CSMD1: variants seen among roughly 807,000 people sequenced by gnomAD.
The protein encoded by CSMD1 is CUB and sushi domain-containing protein 1.
A neutral mutation model predicts 417.5 loss-of-function variants in CSMD1; 213 were observed. The observed-to-expected ratio is 0.51, with a 90% CI of 0.46 to 0.57. The LOEUF is 0.57. Ranked by LOEUF, CSMD1 falls within the 20% of genes least tolerant of loss-of-function variation. The pLI, the probability that CSMD1 is intolerant of heterozygous loss-of-function variation, is 0.00. For missense variants in CSMD1, 6,923 were observed against 4,529.7 expected, an observed-to-expected ratio of 1.53 and a Z score of -15.17; for synonymous variants, 2,862 against 1,736.8, an observed-to-expected ratio of 1.65 and a Z score of -16.11.
chr8:3,651,985 C>G (rs1408316731), intron 7 of CSMD1, among the ~76,000 whole-genome samples: 1 of 151,260 alleles, frequency 6.6e-6, no homozygotes, highest in Non-Finnish European at 1.5e-5. Context: ...CGCCTACCAA[C>G]ATCATTACAC....
chr8:3,670,789 CATGTATATGGGATATAT>C (rs1221109777), intron 7 of CSMD1, among the ~76,000 whole-genome samples: 12 of 146,912 alleles, frequency 8.2e-5, no homozygotes, highest in East Asian at 4.1e-4. Flanking sequence ...ACGGGATATA[CATGTATATGGGATATAT>C]ATGTATATGG....
intron 3 of CSMD1, among the ~76,000 whole-genome samples, chr8:4,349,222 C>G (rs1302680330): frequency 6.6e-6 from 1 of 152,150 alleles, no homozygotes; most frequent in Non-Finnish European, 1.5e-5. Context: ...ATAAGAAGGG[C>G]TTGTTTGCTA....
At chr8:3,668,338 G>A (rs535190035) in intron 7 of CSMD1, among the ~76,000 whole-genome samples, 4 of 152,254 alleles carry the variant, frequency 2.6e-5, no homozygotes, top group East Asian at 1.9e-4. Context: ...TCCCACACAG[G>A]CCCTGGGCTG....
At chr8:3,950,810 G>T (rs900136387) in intron 5 of CSMD1, among the ~76,000 whole-genome samples, 3 of 151,880 alleles carry the variant, frequency 2.0e-5, no homozygotes, top group Admixed American at 6.6e-5. Context: ...GGTCATAATA[G>T]GTTTAGTATA....
chr8:4,926,569 G>T (rs1356523114), intron 1 of CSMD1, among the ~76,000 whole-genome samples: 1 of 152,002 alleles, frequency 6.6e-6, no homozygotes, highest in Non-Finnish European at 1.5e-5. Flanking sequence ...ATATAGCCTT[G>T]GGGAAAAACC....
At chr8:3,954,834 G>T (rs750978386) in intron 5 of CSMD1, among the ~76,000 whole-genome samples, 3 of 152,238 alleles carry the variant, frequency 2.0e-5, no homozygotes, top group African/African-American at 4.8e-5. Context: ...GCGCAGTGTG[G>T]CAGGGAGTTA....
intron 30 of CSMD1, among the ~76,000 whole-genome samples, chr8:3,213,163 A>T (rs1222018124): frequency 6.6e-6 from 1 of 152,146 alleles, no homozygotes; most frequent in African/African-American, 2.4e-5. Context: ...ATTTGGCCTG[A>T]AGCTGCCAGT....
intron 1 of CSMD1, among the ~76,000 whole-genome samples, chr8:4,818,012 G>T (rs74828988): frequency 0.064 from 9,799 of 152,162 alleles, 536 homozygotes; most frequent in East Asian, 0.23. Flanking sequence ...ATTATAATAA[G>T]GTTCAGTCAG....
At chr8:3,985,413 AGTCTT>A (rs1206382586) in intron 5 of CSMD1, among the ~76,000 whole-genome samples, 21 of 152,224 alleles carry the variant, frequency 1.4e-4, no homozygotes, top group Middle Eastern at 3.4e-3. Flanking sequence ...CCTCTTGTCT[AGTCTT>A]ATGTGCACAC....
Position 4,698,721 on chromosome 8 carries a change from C to T in CSMD1, c.86-61163G>A, listed in dbSNP as rs532670832. Among the ~76,000 whole-genome samples the T allele has an allele frequency of 4.7e-5, 7 of 149,526 alleles. No individual in the cohort carries two copies. In the East Asian group the frequency reaches 9.9e-4, roughly 21 times the overall value. On this transcript the variant is annotated intron_variant, in intron 1 of 69. Transcript: ENST00000635120. ...CGGGGGAGCATTTTCCTTCCACCTT[C>T]TCCCTTCCTTCTTACCTACTAAACT...
intron 2 of CSMD1, among the ~76,000 whole-genome samples, chr8:4,483,213 T>G (rs907694586): frequency 6.6e-6 from 1 of 152,170 alleles, no homozygotes; most frequent in South Asian, 2.1e-4. Flanking sequence ...CACCACCAAG[T>G]GAGAAGTGCC....
At chr8:4,902,608 A>G (rs1057466007) in intron 1 of CSMD1, among the ~76,000 whole-genome samples, 5 of 152,216 alleles carry the variant, frequency 3.3e-5, no homozygotes, top group Admixed American at 6.5e-5. Context: ...TCCTTTGACC[A>G]TTGTAATATT....
intron 5 of CSMD1, among the ~76,000 whole-genome samples, chr8:3,797,070 T>C (rs1447665925): frequency 1.3e-5 from 2 of 151,900 alleles, no homozygotes; most frequent in Non-Finnish European, 2.9e-5. Flanking sequence ...GTATCACTTA[T>C]TAAGATGGAC....
chr8:3,783,025 C>A (rs1036723809), intron 5 of CSMD1, among the ~76,000 whole-genome samples: 1 of 152,162 alleles, frequency 6.6e-6, no homozygotes, highest in Admixed American at 6.5e-5. Context: ...ATCGCAAGCA[C>A]GCGTTCATCT....
intron 3 of CSMD1, among the ~76,000 whole-genome samples, chr8:4,363,325 T>C (rs1255945449): frequency 2.0e-5 from 3 of 152,170 alleles, no homozygotes; most frequent in Non-Finnish European, 4.4e-5. Flanking sequence ...ATACTACAGG[T>C]ACCCTGCATA....
chr8:4,117,226 T>C (rs186366700), intron 3 of CSMD1, among the ~76,000 whole-genome samples: 169 of 135,156 alleles, frequency 1.3e-3, no homozygotes, highest in Non-Finnish European at 2.1e-3. Flanking sequence ...CTCCATCTCA[T>C]GGTCGTTTCT....
At chr8:4,759,245 G>C (rs1383690090) in intron 1 of CSMD1, among the ~76,000 whole-genome samples, 1 of 152,116 alleles carries the variant, frequency 6.6e-6, no homozygotes, top group Non-Finnish European at 1.5e-5. Context: ...CAGTGTCGTT[G>C]GATGATGACT....
chr8:3,404,091 C>A (rs535512749), intron 15 of CSMD1, among the ~76,000 whole-genome samples: 1 of 152,114 alleles, frequency 6.6e-6, no homozygotes, highest in African/African-American at 2.4e-5. Flanking sequence ...TAAACAGGAC[C>A]TGGTTAGAAG....
intron 2 of CSMD1, among the ~76,000 whole-genome samples, chr8:4,534,753 T>C (rs1367543493): frequency 6.7e-6 from 1 of 149,978 alleles, no homozygotes; most frequent in Non-Finnish European, 1.5e-5. Flanking sequence ...CCACGTACAA[T>C]TTCTTTCTTT....
Sources: allele counts gnomAD v4.1 joint callset (sites outside exome capture counted in the v4.1 genomes callset), GRCh38; gene constraint gnomAD v4.1.1; transcripts MANE v1.5; gene names NCBI Gene and HGNC (gene_info 2026-07-23, HGNC 2026-07-21).